The following CHST12 variants were observed in gnomAD, a reference collection of about 807,000 sequenced individuals.
CHST12 encodes carbohydrate (chondroitin 4) sulfotransferase 12.
In CHST12, 23 loss-of-function variants were observed where a neutral mutation model predicts 27.9. The observed-to-expected ratio is 0.82, with a 90% CI of 0.59 to 1.17. The LOEUF is 1.17. Among genes scored for constraint, CHST12 ranks in the 50% most tolerant of loss-of-function variants. The probability of loss-of-function intolerance (pLI) is 0.00; values close to 1 mark genes in which losing one functional copy is unlikely to be tolerated. For synonymous variants in CHST12, 322 were observed against 273.0 expected, an observed-to-expected ratio of 1.18 and a Z score of -1.77; for missense variants, 682 against 603.0, an observed-to-expected ratio of 1.13 and a Z score of -1.37.
Position 2,440,959 on chromosome 7 carries a change from T to C in CHST12, c.*7075T>C, listed in dbSNP as rs1256806664. 6.6e-6 allele frequency: 1 copy of C among 152,168 alleles called. No individual in the cohort carries two copies. The highest frequency in any genetic ancestry group is 1.5e-5 in the Non-Finnish European group (1 of 68,030). 9.4% of individuals were successfully genotyped at this position (152,168 alleles called of 1,614,324 possible). On this transcript the variant is annotated 3_prime_UTR_variant, in exon 2 of 2. Coordinates refer to ENST00000618655, the MANE Select transcript of CHST12 (RefSeq NM_018641.5). ...AAAGCCAGGCCCTGTCTTTTTTCCT[T>C]GTCTAAGCACCATCCTTGCTTAGGA...
Position 2,433,743 on chromosome 7 carries a change from C to T in CHST12, c.1104C>T (p.Tyr368=). The T allele has an allele frequency of 6.2e-7, 1 of 1,613,884 alleles. No individual in the cohort carries two copies. Among genetic ancestry groups the T allele is most frequent in the Non-Finnish European group, 8.5e-7 (1 of 1,180,012 alleles). Residue 368 remains tyrosine (Y), a synonymous_variant, in exon 2 of 2, where the codon TAC becomes TAT. Transcript: ENST00000618655. This position sits in a 1 kb window ranked among gnomAD's most constrained non-coding sequence, Gnocchi z 6.1. ...VDRQLRFPPS[Y]RNRTASSWEE... ...GGCAGCTCCGCTTCCCCCCGAGCTACCGGAACAGGACCGCCAGCAGCTGGG... is the reference window on the plus strand; with the variant it reads ...GGCAGCTCCGCTTCCCCCCGAGCTATCGGAACAGGACCGCCAGCAGCTGGG...
chr7:2,419,643 G>A (rs1002307536), intron 1 of CHST12, among the ~76,000 whole-genome samples: 2 of 149,978 alleles, frequency 1.3e-5, no homozygotes, highest in African/African-American at 4.9e-5. Flanking sequence ...GGAAGCAGAG[G>A]TTGCAGTGAG....
At chr7:2,425,691 C>CTTTTTTTTTTTTTTTTTTTTTTTTTTTTT (rs760502452) in intron 1 of CHST12, among the ~76,000 whole-genome samples, 6 of 137,870 alleles carry the variant, frequency 4.4e-5, no homozygotes, top group African/African-American at 1.6e-4. Context: ...ACTGCATTTG[C>CTTTTTTTTTTTTTTTTTTTTTTTTTTTTT]TTTTTTTTTT....
intron 1 of CHST12, among the ~76,000 whole-genome samples, chr7:2,414,983 T>A (rs1305312257): frequency 6.6e-6 from 1 of 152,236 alleles, no homozygotes; most frequent in Non-Finnish European, 1.5e-5. Flanking sequence ...ACTTCAGAGA[T>A]GTTGCAGGTT....
rs1331406489 is a variant in CHST12 at position 2,442,938 on chromosome 7, T to TC, written c.*9056dup. ...GTGGAACAGGTTTTTGTTTTTTTTTTCCAGACAGAGTCTTGCTCTTTCGCC... is the reference window on the plus strand; with the variant it reads ...GTGGAACAGGTTTTTGTTTTTTTTTTCCCAGACAGAGTCTTGCTCTTTCGCC... On this transcript the variant is annotated 3_prime_UTR_variant, in exon 2 of 2. Coordinates refer to ENST00000618655, the MANE Select transcript of CHST12 (RefSeq NM_018641.5). 4 of 152,254 alleles carry TC rather than the reference T, an allele frequency of 2.6e-5. No homozygotes were observed. In the South Asian group the frequency reaches 6.2e-4, roughly 24 times the overall value. 9.4% of individuals were successfully genotyped at this position (152,254 alleles called of 1,614,324 possible). A position where few individuals can be genotyped will look rare whatever the true frequency, so the allele number is the denominator to read the frequency against.
rs113562939 is a variant in CHST12 at position 2,411,096 on chromosome 7, A to G, written c.-78+7423A>G. Among the ~76,000 whole-genome samples the G allele has an allele frequency of 1.7e-3, 266 of 152,052 alleles. 3 individuals carry two copies. The highest frequency in any genetic ancestry group is 6.2e-3 in the African/African-American group (258 of 41,450). On this transcript the variant is annotated intron_variant, in intron 1 of 1. Coordinates refer to ENST00000618655, the MANE Select transcript of CHST12 (RefSeq NM_018641.5). Reference sequence around the variant, plus strand: ...TATTTATTTATTTTTAAATTTTGAGATGAGATCTCACTCTGTCATCCAGGC... The same window carrying G: ...TATTTATTTATTTTTAAATTTTGAGGTGAGATCTCACTCTGTCATCCAGGC...
chr7:2,420,734 T>G (rs904315023), intron 1 of CHST12, among the ~76,000 whole-genome samples: 1 of 152,142 alleles, frequency 6.6e-6, no homozygotes, highest in South Asian at 2.1e-4. Flanking sequence ...GCAGTGAGGT[T>G]TGATGGCACC....
Position 2,433,245 on chromosome 7 carries a change from C to G in CHST12, c.606C>G (p.Ile202Met). 1.9e-6 allele frequency: 3 copies of G among 1,611,664 alleles called. No individual in the cohort carries two copies. Among genetic ancestry groups the G allele is most frequent in the Non-Finnish European group, 2.5e-6 (3 of 1,178,810 alleles). Residue 202 changes from isoleucine (I) to methionine (M), a missense_variant, in exon 2 of 2, where the codon ATC (isoleucine) becomes ATG (methionine). Physicochemically the swap from Ile to Met is conservative, Grantham distance 10. Transcript: ENST00000618655. This position sits in a 1 kb window ranked among gnomAD's most constrained non-coding sequence, Gnocchi z 6.1. ...RGAPYRDPLR[I>M]PREHVHNASA... ...CGCCCTACCGCGACCCGCTGCGCAT[C>G]CCGCGCGAGCACGTGCACAACGCCA...
chr7:2,429,916 A>C (rs553838261), intron 1 of CHST12, among the ~76,000 whole-genome samples: 1 of 151,406 alleles, frequency 6.6e-6, no homozygotes, highest in African/African-American at 2.4e-5. Flanking sequence ...CAGAGTAGCT[A>C]GGACTACAGG....
At chr7:2,427,171 C>T (rs1038161150) in intron 1 of CHST12, among the ~76,000 whole-genome samples, 2 of 151,208 alleles carry the variant, frequency 1.3e-5, no homozygotes, top group Admixed American at 6.6e-5. Context: ...GGTGACACAG[C>T]GAGACCCTGT....
rs1211788607 is a variant in CHST12 at position 2,434,101 on chromosome 7, T to TCCGCCCGCCCGC, written c.*227_*228insGCCCGCCCGCCC. Reference sequence around the variant, plus strand: ...CTGGAGTAAAATATCCCCTCTCCCCTCCGCCCGCCCACCCGCCCGCCCGCT... The same window carrying TCCGCCCGCCCGC: ...CTGGAGTAAAATATCCCCTCTCCCCTCCGCCCGCCCGCCCGCCCGCCCACCCGCCCGCCCGCT... On this transcript the variant is annotated 3_prime_UTR_variant, in exon 2 of 2. Transcript: ENST00000618655. The TCCGCCCGCCCGC allele has an allele frequency of 1.5e-3, 566 of 374,070 alleles. 2 individuals carry two copies. Among genetic ancestry groups the TCCGCCCGCCCGC allele is most frequent in the African/African-American group, 0.012 (483 of 41,984 alleles). The allele number at this position is 374,070 out of a possible 1,614,324, so 23.2% of individuals were successfully genotyped here. A position where few individuals can be genotyped will look rare whatever the true frequency, so the allele number is the denominator to read the frequency against.
intron 1 of CHST12, among the ~76,000 whole-genome samples, chr7:2,418,800 G>C (rs2115408084): frequency 6.6e-6 from 1 of 152,192 alleles, no homozygotes; most frequent in East Asian, 1.9e-4. Context: ...TGCTGTTGTT[G>C]TTGTTTTGTT....
chr7:2,448,189 A>T lies in CHST12; in HGVS notation c.*14305A>T, dbSNP rs1782801603. The T allele has an allele frequency of 6.6e-6, 1 of 152,272 alleles. No homozygotes were observed. Among genetic ancestry groups the T allele is most frequent in the Non-Finnish European group, 1.5e-5 (1 of 68,076 alleles). 9.4% of individuals were successfully genotyped at this position (152,272 alleles called of 1,614,324 possible). Reference sequence around the variant, plus strand: ...GGCCACAAACATATTTTAAATTTGAACAATAAAGGAACTGGACCAGGAAGT... The same window carrying T: ...GGCCACAAACATATTTTAAATTTGATCAATAAAGGAACTGGACCAGGAAGT... On this transcript the variant is annotated 3_prime_UTR_variant, in exon 2 of 2. Coordinates refer to ENST00000618655, the MANE Select transcript of CHST12 (RefSeq NM_018641.5).
At chr7:2,408,678 G>A (rs1370632577) in intron 1 of CHST12, among the ~76,000 whole-genome samples, 1 of 152,196 alleles carries the variant, frequency 6.6e-6, no homozygotes, top group Non-Finnish European at 1.5e-5. Flanking sequence ...GTAGGGTAAA[G>A]ACAACTTCAG....
At position 2,448,093 on chromosome 7, in the gene CHST12, C is replaced by G. The variant is rs923089493; in HGVS notation, c.*14209C>G. 6.6e-6 allele frequency: 1 copy of G among 151,264 alleles called. No homozygotes were observed. Among genetic ancestry groups the G allele is most frequent in the African/African-American group, 2.4e-5 (1 of 41,060 alleles). 9.4% of individuals were successfully genotyped at this position (151,264 alleles called of 1,614,324 possible). On this transcript the variant is annotated 3_prime_UTR_variant, in exon 2 of 2. Transcript: ENST00000618655. ...ATGTGGGTCGGGCTGGTCTCGAACT[C>G]CTGGTCTCAAGTGATCCGCCCTCCT... is the stretch of plus-strand genomic sequence containing the variant.
At position 2,408,336 on chromosome 7, in the gene CHST12, C is replaced by G. The variant is rs747474937; in HGVS notation, c.-78+4663C>G. Among the ~76,000 whole-genome samples the G allele has an allele frequency of 5.8e-5, 8 of 137,826 alleles. 1 individual carries two copies. The South Asian group carries it at 1.4e-3, about 24-fold the overall frequency. The allele number at this position is 137,826 out of a possible 152,430, so 90.4% of individuals were successfully genotyped here. A position where few individuals can be genotyped will look rare whatever the true frequency, so the allele number is the denominator to read the frequency against. ...GAGATCATGCCATTGCACTCCAGCC[C>G]GGGCAACAAGGGTGAGACTCCGTCT... On this transcript the variant is annotated intron_variant, in intron 1 of 1. Transcript: ENST00000618655.
chr7:2,416,492 G>A (rs992133571), intron 1 of CHST12, among the ~76,000 whole-genome samples: 5 of 152,172 alleles, frequency 3.3e-5, no homozygotes, highest in African/African-American at 1.2e-4. Flanking sequence ...GAATCACTAT[G>A]GCAGCTTTAG....
intron 1 of CHST12, among the ~76,000 whole-genome samples, chr7:2,427,826 TTG>T (rs1178393453): frequency 2.0e-5 from 3 of 152,146 alleles, no homozygotes; most frequent in African/African-American, 7.2e-5. Context: ...TTTTGTTTGT[TTG>T]TTTTTTGAGA....
chr7:2,411,964 G>A (rs1250113118), intron 1 of CHST12, among the ~76,000 whole-genome samples: 3 of 152,180 alleles, frequency 2.0e-5, no homozygotes, highest in African/African-American at 7.2e-5. Context: ...ATACGTGCGT[G>A]GATTTCCTGT....
Sources: allele counts gnomAD v4.1 joint callset (sites outside exome capture counted in the v4.1 genomes callset), GRCh38; gene constraint gnomAD v4.1.1; non-coding constraint Gnocchi (gnomAD v3.1); transcripts MANE v1.5; gene names NCBI Gene and HGNC (gene_info 2026-07-23, HGNC 2026-07-21).